SPAG16: variants seen among roughly 807,000 people sequenced by gnomAD.
SPAG16 encodes sperm associated antigen 16, also known as sperm-associated antigen 16 protein.
A neutral mutation model predicts 80.4 loss-of-function variants in SPAG16; 86 were observed. The ratio of observed to expected loss-of-function variants is 1.07; its 90% CI spans 0.90 to 1.28. The LOEUF is 1.28. SPAG16 is among the 50% of genes most tolerant of loss of function. SPAG16 has a pLI of 0.00. For missense variants in SPAG16, 870 were observed against 765.3 expected (o/e 1.14, Z -1.61); for synonymous variants, 294 against 265.9 (o/e 1.11, Z -1.03).
In SPAG16 at chr2:214,338,615, C is replaced by T. The variant is rs545301708; in HGVS notation, c.1721-71525C>T. Among the ~76,000 whole-genome samples the T allele has an allele frequency of 1.6e-4, 25 of 152,294 alleles. No individual in the cohort carries two copies. In the South Asian group the frequency reaches 4.8e-3, roughly 29 times the overall value. ...TGTTTCTCTCTCTTCTGTTGATTCT[C>T]TCTGGGACCTTTATTATCAACATAG... On this transcript the variant is annotated intron_variant, in intron 15 of 15. Transcript: ENST00000331683.
chr2:213,657,753 G>A (rs1393782754), intron 10 of SPAG16, among the ~76,000 whole-genome samples: 2 of 151,906 alleles, frequency 1.3e-5, no homozygotes, highest in Non-Finnish European at 2.9e-5. Flanking sequence ...CTTTTTAATG[G>A]TTTACTGTTA....
chr2:213,427,278 C>G (rs987531978), intron 9 of SPAG16, among the ~76,000 whole-genome samples: 3 of 152,146 alleles, frequency 2.0e-5, no homozygotes, highest in African/African-American at 7.2e-5. Context: ...CCAAAACATA[C>G]TATTTGTTTT....
chr2:213,362,626 AC>A (rs1314479196), intron 7 of SPAG16, among the ~76,000 whole-genome samples: 8 of 152,274 alleles, frequency 5.3e-5, no homozygotes, highest in African/African-American at 1.9e-4. Flanking sequence ...CAAATCCATA[AC>A]TTTAGTCTAA....
chr2:214,288,752 C>CTTAT (rs58056064), intron 15 of SPAG16, among the ~76,000 whole-genome samples: 11,865 of 141,424 alleles, frequency 0.084, 666 homozygotes, highest in African/African-American at 0.15. Context: ...CCTTTGCCCA[C>CTTAT]TTATTTATTT....
intron 10 of SPAG16, among the ~76,000 whole-genome samples, chr2:213,789,896 G>A (rs560085644): frequency 1.3e-5 from 2 of 151,858 alleles, no homozygotes; most frequent in Non-Finnish European, 3.0e-5. Flanking sequence ...TTTCGGTAAC[G>A]ATATCATTAT....
At chr2:213,377,881 GTA>G (rs1196316655) in intron 9 of SPAG16, among the ~76,000 whole-genome samples, 1 of 101,144 alleles carries the variant, frequency 9.9e-6, no homozygotes, top group African/African-American at 2.8e-5. Context: ...AATAGGATGT[GTA>G]TATATATATA....
At chr2:214,390,344 A>ATTTTTTT (rs766813557) in intron 15 of SPAG16, among the ~76,000 whole-genome samples, 1 of 98,198 alleles carries the variant, frequency 1.0e-5, no homozygotes, top group African/African-American at 3.1e-5. Context: ...TTTTTTTTAA[A>ATTTTTTT]AAAAAAAAAA....
intron 15 of SPAG16, among the ~76,000 whole-genome samples, chr2:214,195,099 A>C (rs2057787319): frequency 6.6e-6 from 1 of 152,096 alleles, no homozygotes; most frequent in Admixed American, 6.6e-5. Flanking sequence ...CCTCTTGAGA[A>C]AGTGCTATTT....
intron 10 of SPAG16, among the ~76,000 whole-genome samples, chr2:213,768,092 T>C (rs1281306018): frequency 6.6e-6 from 1 of 151,844 alleles, no homozygotes; most frequent in African/African-American, 2.4e-5. Context: ...AAGGAGGCAA[T>C]AAGAAGGAAA....
intron 10 of SPAG16, among the ~76,000 whole-genome samples, chr2:213,592,665 T>C (rs1025786389): frequency 1.3e-5 from 2 of 152,168 alleles, no homozygotes; most frequent in South Asian, 4.1e-4. Flanking sequence ...ACATCTTCAT[T>C]TGAAGATAAG....
At chr2:213,392,740 G>T (rs941722499) in intron 9 of SPAG16, among the ~76,000 whole-genome samples, 1 of 151,726 alleles carries the variant, frequency 6.6e-6, no homozygotes. Context: ...TCAGCTACTC[G>T]GGAGGCTGAA....
intron 15 of SPAG16, among the ~76,000 whole-genome samples, chr2:214,394,448 C>G (rs958941401): frequency 5.9e-5 from 9 of 151,812 alleles, no homozygotes; most frequent in African/African-American, 1.5e-4. Flanking sequence ...AGTAAAAAAA[C>G]TTTAAAAATA....
At chr2:213,908,641 G>C (rs1241109216) in intron 11 of SPAG16, among the ~76,000 whole-genome samples, 1 of 151,910 alleles carries the variant, frequency 6.6e-6, no homozygotes, top group Non-Finnish European at 1.5e-5. Context: ...TGTGATTCTT[G>C]GTTGATTCTA....
At chr2:214,290,351 G>GT (rs1415648473) in intron 15 of SPAG16, among the ~76,000 whole-genome samples, 5 of 151,650 alleles carry the variant, frequency 3.3e-5, no homozygotes, top group East Asian at 1.9e-4. Flanking sequence ...TGTTGAATGT[G>GT]TTTTTTTGAA....
intron 12 of SPAG16, among the ~76,000 whole-genome samples, chr2:213,987,165 A>T (rs530612608): frequency 6.6e-6 from 1 of 152,192 alleles, no homozygotes; most frequent in Non-Finnish European, 1.5e-5. Context: ...TTATTAATTC[A>T]TACATGTATT....
At chr2:213,377,919 C>A (rs1381730053) in intron 9 of SPAG16, among the ~76,000 whole-genome samples, 1 of 129,410 alleles carries the variant, frequency 7.7e-6, no homozygotes, top group African/African-American at 2.9e-5. Context: ...TTTTTTTTTT[C>A]TTTAGAAGGA....
chr2:213,726,561 A>G (rs1444692068), intron 10 of SPAG16, among the ~76,000 whole-genome samples: 1 of 152,246 alleles, frequency 6.6e-6, no homozygotes, highest in East Asian at 1.9e-4. Context: ...ATTGAGCAAC[A>G]TGAAGATAAA....
At chr2:213,394,177 C>G (rs11682093) in intron 9 of SPAG16, among the ~76,000 whole-genome samples, 1 of 151,804 alleles carries the variant, frequency 6.6e-6, no homozygotes, top group Non-Finnish European at 1.5e-5. Flanking sequence ...ATGTTCATAT[C>G]TTTTTTAGCA....
chr2:213,675,970 C>G lies in SPAG16; in HGVS notation c.1070+185880C>G, dbSNP rs143124408. Among the ~76,000 whole-genome samples the G allele has an allele frequency of 8.5e-3, 1,299 of 152,168 alleles. 11 individuals are homozygous for G. The highest frequency in any genetic ancestry group is 0.029 in the African/African-American group (1,189 of 41,490). On this transcript the variant is annotated intron_variant, in intron 10 of 15. Coordinates refer to ENST00000331683, the MANE Select transcript of SPAG16 (RefSeq NM_024532.5). ...GGATGGCATTGAATCTATAAATTAC[C>G]TTGGGTAGTATGGCCAATTTCATGA...
Sources: allele counts gnomAD v4.1 joint callset (sites outside exome capture counted in the v4.1 genomes callset), GRCh38; gene constraint gnomAD v4.1.1; transcripts MANE v1.5; gene names NCBI Gene and HGNC (gene_info 2026-07-23, HGNC 2026-07-21).